The following CTNNA2 variants were observed in gnomAD, a reference collection of about 807,000 sequenced individuals.
CTNNA2 encodes the protein catenin alpha-2.
A neutral mutation model predicts 101.0 loss-of-function variants in CTNNA2; 42 were observed. The observed-to-expected ratio is 0.42, with a 90% CI of 0.32 to 0.54. The LOEUF (loss-of-function observed/expected upper bound fraction) is 0.54, where lower values mean the gene tolerates loss of function less well. CTNNA2 is among the 20% of genes least tolerant of loss of function. The pLI is 0.14. For missense variants in CTNNA2, 871 were observed against 1,223.1 expected (o/e 0.71, Z 4.29); for synonymous variants, 450 against 456.4 (o/e 0.99, Z 0.18).
At chr2:80,244,821 T>G (rs1220278847) in intron 7 of CTNNA2, among the ~76,000 whole-genome samples, 1 of 152,152 alleles carries the variant, frequency 6.6e-6, no homozygotes, top group African/African-American at 2.4e-5. Context: ...AGCATGGTGC[T>G]CAGAGAGAAA....
At chr2:79,793,888 G>GCACACACACACACACACACACA (rs71385299) in intron 3 of CTNNA2, among the ~76,000 whole-genome samples, 1 of 142,624 alleles carries the variant, frequency 7.0e-6, no homozygotes, top group African/African-American at 2.6e-5. Context: ...ACACACTCAT[G>GCACACACACACACACACACACA]CACACACACA....
intron 3 of CTNNA2, among the ~76,000 whole-genome samples, chr2:79,830,781 A>G (rs1239347336): frequency 6.6e-6 from 1 of 152,130 alleles, no homozygotes; most frequent in East Asian, 1.9e-4. Flanking sequence ...ATTAAATGCA[A>G]CCTGCCCAGG....
At chr2:79,896,588 G>A (rs1684729336) in intron 6 of CTNNA2, among the ~76,000 whole-genome samples, 4 of 152,218 alleles carry the variant, frequency 2.6e-5, no homozygotes, top group Admixed American at 1.3e-4. Context: ...ATTCAGCTGG[G>A]TGGAGCAGAA....
At chr2:79,831,419 C>T (rs1397558119) in intron 3 of CTNNA2, among the ~76,000 whole-genome samples, 1 of 151,968 alleles carries the variant, frequency 6.6e-6, no homozygotes, top group Non-Finnish European at 1.5e-5. Context: ...GTGATTCAGC[C>T]CCTTAACTAT....
Position 80,560,753 on chromosome 2 carries a change from A to G in CTNNA2, c.1741+4860A>G, listed in dbSNP as rs183146533. On this transcript the variant is annotated intron_variant, in intron 12 of 18. Coordinates refer to ENST00000402739, the MANE Select transcript of CTNNA2 (RefSeq NM_001282597.3). ...CTCTAGTCTCAGTTGGAGACCACAG[A>G]AAACTATTAGTCTTTTGACATTTAG... is the stretch of plus-strand genomic sequence containing the variant. Among the ~76,000 whole-genome samples the G allele has an allele frequency of 2.0e-5, 3 of 152,302 alleles. No homozygotes were observed. The East Asian group carries it at 5.8e-4, about 29-fold the overall frequency.
chr2:80,615,330 C>A (rs528892964), intron 17 of CTNNA2, among the ~76,000 whole-genome samples: 2 of 151,540 alleles, frequency 1.3e-5, no homozygotes, highest in Non-Finnish European at 3.0e-5. Flanking sequence ...ATTCAAAGAG[C>A]TGCATTTATT....
intron 1 of CTNNA2, among the ~76,000 whole-genome samples, chr2:79,528,646 C>T (rs1558701578): frequency 6.6e-6 from 1 of 152,012 alleles, no homozygotes; most frequent in Non-Finnish European, 1.5e-5. Flanking sequence ...AGAAATTACT[C>T]CTTGTCATAA....
intron 9 of CTNNA2, among the ~76,000 whole-genome samples, chr2:80,429,441 A>T (rs73941123): frequency 6.6e-6 from 1 of 152,242 alleles, no homozygotes; most frequent in African/African-American, 2.4e-5. Context: ...GACTCCAGAG[A>T]CCACATTCTT....
intron 2 of CTNNA2, among the ~76,000 whole-genome samples, chr2:79,702,307 T>A (rs762544384): frequency 6.8e-6 from 1 of 146,076 alleles, no homozygotes; most frequent in Non-Finnish European, 1.5e-5. Flanking sequence ...CAAATTTCAG[T>A]GTTCATAAAG....
At chr2:79,852,343 T>C (rs1358444966) in intron 3 of CTNNA2, among the ~76,000 whole-genome samples, 3 of 152,210 alleles carry the variant, frequency 2.0e-5, no homozygotes, top group South Asian at 2.1e-4. Context: ...ATAGCAAAAA[T>C]GTTGACAATG....
chr2:80,330,179 G>T (rs1671191784), intron 7 of CTNNA2, among the ~76,000 whole-genome samples: 1 of 152,352 alleles, frequency 6.6e-6, no homozygotes, highest in Middle Eastern at 3.4e-3. Flanking sequence ...GGAATTCATT[G>T]TGGAGCTATC....
intron 2 of CTNNA2, among the ~76,000 whole-genome samples, chr2:79,238,706 T>C (rs960418500): frequency 6.6e-6 from 1 of 152,230 alleles, no homozygotes; most frequent in Admixed American, 6.5e-5. Flanking sequence ...GTCTATGATG[T>C]AATGATTTGA....
chr2:79,231,445 G>A (rs1446236795), intron 2 of CTNNA2, among the ~76,000 whole-genome samples: 1 of 152,184 alleles, frequency 6.6e-6, no homozygotes, highest in African/African-American at 2.4e-5. Flanking sequence ...CAGCCATGTA[G>A]AACTGTAAGT....
At chr2:80,545,293 T>C (rs571951496) in intron 10 of CTNNA2, among the ~76,000 whole-genome samples, 1 of 152,144 alleles carries the variant, frequency 6.6e-6, no homozygotes, top group Non-Finnish European at 1.5e-5. Context: ...ACACCTATAA[T>C]CCCAGTGCTC....
rs956287167 is a variant in CTNNA2, at chr2:79,865,759, G to A, written c.466-4057G>A. ...TTTTGAGACGGAGTCTCGCACTGTC[G>A]CCCAGGCTGGAGTGCAGTGGCGCGA... On this transcript the variant is annotated intron_variant, in intron 4 of 18. Transcript: ENST00000402739. 4.6e-5 allele frequency among the ~76,000 whole-genome samples: 7 copies of A among 152,146 alleles called. No homozygotes were observed. In the South Asian group the frequency reaches 8.3e-4, roughly 18 times the overall value.
chr2:79,954,865 G>T (rs910863632), intron 7 of CTNNA2, among the ~76,000 whole-genome samples: 1 of 152,180 alleles, frequency 6.6e-6, no homozygotes, highest in Admixed American at 6.5e-5. Flanking sequence ...GTAGACAAAG[G>T]CATGAATACT....
intron 7 of CTNNA2, among the ~76,000 whole-genome samples, chr2:80,193,044 C>G (rs1706617923): frequency 6.6e-6 from 1 of 151,890 alleles, no homozygotes; most frequent in South Asian, 2.1e-4. Flanking sequence ...AATTACTGTC[C>G]CTCAATTCTC....
At chr2:80,326,481 T>G (rs964460297) in intron 7 of CTNNA2, among the ~76,000 whole-genome samples, 1 of 152,144 alleles carries the variant, frequency 6.6e-6, no homozygotes, top group African/African-American at 2.4e-5. Flanking sequence ...CTGCCCCCCT[T>G]GCCTCTCCCT....
chr2:79,985,643 C>T (rs542303707), intron 7 of CTNNA2, among the ~76,000 whole-genome samples: 1 of 152,282 alleles, frequency 6.6e-6, no homozygotes, highest in African/African-American at 2.4e-5. Context: ...ATTAATGTTG[C>T]TCATTAAGCA....
Sources: gnomAD v4.1 joint callset for allele counts (sites outside exome capture counted in the v4.1 genomes callset) on GRCh38, gnomAD v4.1.1 for gene constraint, MANE v1.5 for transcripts, NCBI Gene and HGNC (gene_info 2026-07-23, HGNC 2026-07-21) for gene names.